The following TCF3 variants were observed in gnomAD, a reference collection of about 807,000 sequenced individuals.
The protein encoded by TCF3 is transcription factor 3, also known as transcription factor E2-alpha.
Under a neutral mutation model 72.3 loss-of-function variants are expected in TCF3, and 54 were observed. That is an observed-to-expected ratio of 0.75 (90% CI 0.60 to 0.94). The LOEUF (loss-of-function observed/expected upper bound fraction) is 0.94. TCF3 is among the 40% of genes least tolerant of loss of function. The pLI is 0.00. For missense variants in TCF3, 1,078 were observed against 934.4 expected (o/e 1.15, Z -2.00); for synonymous variants, 525 against 412.6 (o/e 1.27, Z -3.30).
intron 18 of TCF3, among the ~76,000 whole-genome samples, chr19:1,613,873 G>A (rs1008556353): frequency 6.6e-6 from 1 of 152,240 alleles, no homozygotes; most frequent in African/African-American, 2.4e-5. Context: ...GTGAATGGTC[G>A]CAGTAGGAGC....
intron 18 of TCF3, among the ~76,000 whole-genome samples, chr19:1,614,000 G>A (rs1478253257): frequency 2.6e-5 from 4 of 152,366 alleles, no homozygotes; most frequent in East Asian, 3.9e-4. Flanking sequence ...TGCGGGTCCC[G>A]GCCCAGGCCT....
At chr19:1,645,344 C>T (rs1163591447) in intron 3 of TCF3, among the ~76,000 whole-genome samples, 13 of 152,122 alleles carry the variant, frequency 8.5e-5, no homozygotes, top group Admixed American at 8.5e-4. Context: ...CGGGGGCACC[C>T]GCCCCAACCT....
intron 18 of TCF3, chr19:1,612,066 G>T (rs542307477): frequency 5.2e-5 from 46 of 886,776 alleles, no homozygotes; most frequent in Non-Finnish European, 7.2e-5. Context: ...GGTGTCTGGG[G>T]AACATCACTG....
In TCF3 at chr19:1,622,119, T is replaced by C. The variant is rs1286080881; in HGVS notation, c.757A>G (p.Ser253Gly). The C allele has an allele frequency of 1.3e-6, 2 of 1,599,526 alleles. No homozygotes were observed. Among genetic ancestry groups the C allele is most frequent in the Non-Finnish European group, 8.5e-7 (1 of 1,175,170 alleles). ...GSSPLPLPPG[S>G]GPVGSSGSSS... ...CTTCCACTGCTGCCCACCGGGCCGCTACCGGGCGGGAGGGGCAGCGGGGAT... is the reference window on the plus strand; with the variant it reads ...CTTCCACTGCTGCCCACCGGGCCGCCACCGGGCGGGAGGGGCAGCGGGGAT... Residue 253 changes from serine (S) to glycine (G), a missense_variant, in exon 10 of 19, where the codon AGC becomes GGC. Physicochemically the swap from Ser to Gly is moderately conservative, Grantham distance 56. Transcript: ENST00000262965.
At chr19:1,636,316 C>T (rs967475337) in intron 3 of TCF3, among the ~76,000 whole-genome samples, 5 of 152,100 alleles carry the variant, frequency 3.3e-5, no homozygotes, top group Non-Finnish European at 5.9e-5. Context: ...CCTGCCACCA[C>T]GCACAGCTAA....
rs1478799449 is a variant in TCF3, at chr19:1,609,741, G to A, written c.*1966C>T. 1 of 229,740 alleles carries A rather than the reference G, an allele frequency of 4.4e-6. No individual in the cohort carries two copies. Among genetic ancestry groups the A allele is most frequent in the Admixed American group, 5.7e-5 (1 of 17,640 alleles). 14.2% of individuals were successfully genotyped at this position (229,740 alleles called of 1,614,324 possible). A position where few individuals can be genotyped will look rare whatever the true frequency, so the allele number is the denominator to read the frequency against. ...CTCCGCCTGGCCTGGACTGGGGGCA[G>A]ATACCAGGCATTGAGCTGGCCTTGA... On this transcript the variant is annotated 3_prime_UTR_variant, in exon 19 of 19. Transcript: ENST00000262965.
chr19:1,619,518 A>AC (rs759085783), intron 14 of TCF3, 44 bp from the exon 15 acceptor site: 5 of 1,541,456 alleles, frequency 3.2e-6, no homozygotes, highest in Non-Finnish European at 1.7e-6. Flanking sequence ...AAGCCGAGGG[A>AC]CCCCACAGGC....
In TCF3 at chr19:1,621,906, G is replaced by C; in HGVS notation, c.887C>G (p.Ala296Gly). Residue 296 changes from alanine to glycine, a missense_variant, in exon 11 of 19, where the codon GCC becomes GGC. By Grantham distance (60) the Ala-to-Gly change is moderately conservative. Transcript: ENST00000262965. ...GLPSASSFSS[A>G]PGATYGGVSS... ...GACGCCGCCGTACGTGGCTCCGGGG[G>C]CTGAGGAGAAGGAGGATGCAGATGG... 6.2e-7 allele frequency: 1 copy of C among 1,601,164 alleles called. No homozygotes were observed. The highest frequency in any genetic ancestry group is 2.3e-5 in the East Asian group (1 of 44,358).
At chr19:1,647,465 G>A (rs1327639546) in intron 2 of TCF3, among the ~76,000 whole-genome samples, 1 of 152,242 alleles carries the variant, frequency 6.6e-6, no homozygotes, top group Non-Finnish European at 1.5e-5. Flanking sequence ...AGGGGACCCA[G>A]GAAGCGGGGT....
chr19:1,615,533 C>T lies in TCF3; in HGVS notation c.1587-13G>A, dbSNP rs57902330. ...GTCCTCGTCTGGGCTATGGGGAGGG[C>T]GCCGGGAGGGGGCCAGAGGGAGACA... is the stretch of plus-strand genomic sequence containing the variant. On this transcript the variant is annotated splice_polypyrimidine_tract_variant and intron_variant, in intron 17 of 18. Transcript: ENST00000262965. This position sits in a 1 kb window ranked among gnomAD's most constrained non-coding sequence, Gnocchi z 7.3. 2.9e-4 allele frequency: 471 copies of T among 1,605,680 alleles called. No individual in the cohort carries two copies. The highest frequency in any genetic ancestry group is 3.4e-4 in the Non-Finnish European group (403 of 1,179,756).
Position 1,621,972 on chromosome 19 carries a change from T to TG in TCF3, c.823-3dup, listed in dbSNP as rs772535472. On this transcript the variant is annotated splice_region_variant and splice_polypyrimidine_tract_variant and intron_variant, in intron 10 of 18. Coordinates refer to ENST00000262965, the MANE Select transcript of TCF3 (RefSeq NM_003200.5). Reference sequence around the variant, plus strand: ...CTCTGCTCCATGCAGCTGGTAGCCCTGGGGGGTCAGGCAGGAGGAGGGTGG... The same window carrying TG: ...CTCTGCTCCATGCAGCTGGTAGCCCTGGGGGGGTCAGGCAGGAGGAGGGTGG... 20 of 1,604,740 alleles carry TG rather than the reference T, an allele frequency of 1.2e-5. No homozygotes were observed. The highest frequency in any genetic ancestry group is 2.2e-5 in the East Asian group (1 of 44,578).
At chr19:1,631,770 C>T (rs2063742905) in intron 5 of TCF3, among the ~76,000 whole-genome samples, 1 of 152,218 alleles carries the variant, frequency 6.6e-6, no homozygotes, top group African/African-American at 2.4e-5. Context: ...CTGCAGAAAT[C>T]CCAGGGAGGA....
intron 2 of TCF3, among the ~76,000 whole-genome samples, chr19:1,649,290 G>A (rs2066625902): frequency 6.6e-6 from 1 of 152,254 alleles, no homozygotes; most frequent in South Asian, 2.1e-4. Flanking sequence ...GCACCCACGT[G>A]TGACTAATTA....
At chr19:1,627,512 G>T in intron 5 of TCF3, 86 bp from the exon 6 acceptor site, 3 of 1,245,658 alleles carry the variant, frequency 2.4e-6, no homozygotes, top group East Asian at 2.4e-5. Flanking sequence ...GCCTACAATA[G>T]GCTCTCAGTA....
chr19:1,652,003 G>A (rs1349763497), intron 1 of TCF3, among the ~76,000 whole-genome samples: 3 of 151,004 alleles, frequency 2.0e-5, no homozygotes, highest in East Asian at 4.0e-4. Flanking sequence ...AAGTTGCACA[G>A]CCCGTCCGGC....
intron 8 of TCF3, 134 bp from the exon 9 acceptor site, chr19:1,622,549 C>T (rs555077180): frequency 5.6e-6 from 3 of 534,264 alleles, no homozygotes; most frequent in Non-Finnish European, 9.7e-6. Context: ...AAGCCACCCC[C>T]CTTTAGGTAA....
At chr19:1,649,022 C>T (rs1461227546) in intron 2 of TCF3, among the ~76,000 whole-genome samples, 2 of 152,240 alleles carry the variant, frequency 1.3e-5, no homozygotes, top group Non-Finnish European at 2.9e-5. Flanking sequence ...CCTGCCTGAA[C>T]TGTGTGACTT....
intron 5 of TCF3, among the ~76,000 whole-genome samples, chr19:1,627,706 T>C (rs776608089): frequency 2.3e-4 from 35 of 151,558 alleles, no homozygotes; most frequent in East Asian, 5.9e-4. Flanking sequence ...CGGGGCCAAC[T>C]CTGAGCATCT....
At position 1,622,423 on chromosome 19, in the gene TCF3, CGGGTGGGCGGTGGG is replaced by C; in HGVS notation, c.550-22_550-9del. The C allele has an allele frequency of 4.7e-6, 2 of 429,124 alleles. No individual in the cohort carries two copies. Among genetic ancestry groups the C allele is most frequent in the Non-Finnish European group, 8.2e-6 (2 of 245,096 alleles). 26.6% of individuals were successfully genotyped at this position (429,124 alleles called of 1,614,324 possible). On this transcript the variant is annotated splice_polypyrimidine_tract_variant and intron_variant, in intron 8 of 18. Transcript: ENST00000262965. ...TGAGCTGGGTGGGTACACCTGCGGG[CGGGTGGGCGGTGGG>C]GGGTGCAGTCAGGACGGAGGGACCA...
Sources: allele counts gnomAD v4.1 joint callset (sites outside exome capture counted in the v4.1 genomes callset), GRCh38; gene constraint gnomAD v4.1.1; non-coding constraint Gnocchi (gnomAD v3.1); transcripts MANE v1.5; gene names NCBI Gene and HGNC (gene_info 2026-07-23, HGNC 2026-07-21).